CASK: variants seen among roughly 807,000 people sequenced by gnomAD.
CASK encodes calcium/calmodulin dependent serine protein kinase.
Under a neutral mutation model 82.9 loss-of-function variants are expected in CASK, and 4 were observed. That is an observed-to-expected ratio of 0.05 (90% confidence interval 0.02 to 0.11). CASK has a LOEUF of 0.11. CASK is among the 10% of genes least tolerant of loss of function. The pLI, the probability that CASK is intolerant of heterozygous loss-of-function variation, is 1.00. For synonymous variants in CASK, 259 were observed against 253.5 expected, an observed-to-expected ratio of 1.02 and a Z score of -0.20; for missense variants, 358 against 720.9, an observed-to-expected ratio of 0.50 and a Z score of 5.76.
At chrX:41,699,051 C>T (rs769019677) in intron 5 of CASK, among the ~76,000 whole-genome samples, 6 of 110,283 alleles carry the variant, frequency 5.4e-5, no homozygotes, top group South Asian at 3.9e-4. Context: ...TTCAGCCTCC[C>T]GGGTAGCTAG....
At chrX:41,650,049 T>C (rs2066836640) in intron 8 of CASK, among the ~76,000 whole-genome samples, 1 of 111,316 alleles carries the variant, frequency 9.0e-6, no homozygotes, top group African/African-American at 3.3e-5. Context: ...TTAAAGTCTG[T>C]TTTATCAGAG....
At chrX:41,737,209 C>T (rs1315051617) in intron 5 of CASK, among the ~76,000 whole-genome samples, 1 of 111,564 alleles carries the variant, frequency 9.0e-6, no homozygotes, top group Non-Finnish European at 1.9e-5. Flanking sequence ...TGAGAGACCG[C>T]AAAGAGCGCC....
chrX:41,910,954 A>C (rs949464409), intron 1 of CASK, among the ~76,000 whole-genome samples: 4 of 111,798 alleles, frequency 3.6e-5, no homozygotes, highest in Admixed American at 1.9e-4. Flanking sequence ...TGCTGTTAAA[A>C]ATGTTATGTA....
At chrX:41,564,357 T>C (rs925748948) in intron 16 of CASK, among the ~76,000 whole-genome samples, 1 of 112,053 alleles carries the variant, frequency 8.9e-6, no homozygotes, top group Non-Finnish European at 1.9e-5. Flanking sequence ...AAAGGTTCCT[T>C]TTTAAAAAAA....
chrX:41,854,222 GCGCA>G (rs1204425174), intron 1 of CASK, among the ~76,000 whole-genome samples: 3,627 of 83,428 alleles, frequency 0.043, 95 homozygotes, highest in East Asian at 0.17. Context: ...GCGCGGGCGC[GCGCA>G]CACACACACA....
chrX:41,855,766 C>T (rs2071355880), intron 1 of CASK, among the ~76,000 whole-genome samples: 1 of 112,067 alleles, frequency 8.9e-6, no homozygotes, highest in Non-Finnish European at 1.9e-5. Flanking sequence ...AAACAACTAT[C>T]TTTCTCATAT....
chrX:41,577,776 C>A (rs931072691), intron 15 of CASK, among the ~76,000 whole-genome samples: 4 of 111,478 alleles, frequency 3.6e-5, no homozygotes, highest in African/African-American at 1.3e-4. Context: ...AGAATGGAGG[C>A]AAGGTTCAGC....
intron 3 of CASK, among the ~76,000 whole-genome samples, chrX:41,775,890 T>TG (rs1487483863): frequency 2.6e-5 from 1 of 38,733 alleles, no homozygotes; most frequent in Non-Finnish European, 4.3e-5. Context: ...TGTTGTGGGG[T>TG]GGGGGGAGGG....
At chrX:41,891,643 C>T (rs1364757015) in intron 1 of CASK, among the ~76,000 whole-genome samples, 1 of 111,164 alleles carries the variant, frequency 9.0e-6, no homozygotes, top group Admixed American at 9.5e-5. Flanking sequence ...CCAATCATAT[C>T]GAACAAAGAG....
chrX:41,619,065 C>T (rs2066248080), intron 11 of CASK, among the ~76,000 whole-genome samples: 2 of 108,439 alleles, frequency 1.8e-5, no homozygotes, highest in Admixed American at 9.8e-5. Context: ...CTCCTGACCT[C>T]GTGATCCACC....
At chrX:41,904,639 G>A (rs1354784704) in intron 1 of CASK, among the ~76,000 whole-genome samples, 1 of 111,079 alleles carries the variant, frequency 9.0e-6, no homozygotes, top group African/African-American at 3.3e-5. Context: ...TTAGGTTCAG[G>A]GGATACATAT....
At chrX:41,718,937 GT>G (rs1233058946) in intron 5 of CASK, among the ~76,000 whole-genome samples, 1 of 112,354 alleles carries the variant, frequency 8.9e-6, no homozygotes, top group Non-Finnish European at 1.9e-5. Context: ...AGCAGATCTG[GT>G]TGCTATGGTT....
chrX:41,783,139 TAAAAAC>T (rs760164625), intron 3 of CASK, among the ~76,000 whole-genome samples: 424 of 109,026 alleles, frequency 3.9e-3, no homozygotes, highest in African/African-American at 0.013. Flanking sequence ...GTGAGACTGT[TAAAAAC>T]AAAAACAACA....
At chrX:41,641,302 C>G (rs186131030) in intron 8 of CASK, among the ~76,000 whole-genome samples, 86 of 111,790 alleles carry the variant, frequency 7.7e-4, no homozygotes, top group Non-Finnish European at 2.4e-4. Flanking sequence ...TAATGAAGTA[C>G]ATGATTCATA....
intron 1 of CASK, among the ~76,000 whole-genome samples, chrX:41,887,705 A>G (rs1239494707): frequency 1.8e-5 from 2 of 111,253 alleles, no homozygotes; most frequent in Non-Finnish European, 3.8e-5. Flanking sequence ...AGACCTATAC[A>G]AAGCAATGAT....
At position 41,600,464 on chromosome X, in the gene CASK, C is replaced by T. The variant is rs752322863; in HGVS notation, c.1155+9440G>A. On this transcript the variant is annotated intron_variant, in intron 12 of 26. Transcript: ENST00000378163. ...AGCATAGCATAAAGAAGAATCAGTG[C>T]TTATTGTACTTAGAAGGCTTTCTGC... 4.5e-5 allele frequency among the ~76,000 whole-genome samples: 5 copies of T among 112,184 alleles called. No homozygotes were observed. The East Asian group carries it at 1.4e-3, about 31-fold the overall frequency.
chrX:41,566,930 G>A (rs1306297458), intron 16 of CASK, among the ~76,000 whole-genome samples: 1 of 111,651 alleles, frequency 9.0e-6, no homozygotes, highest in Non-Finnish European at 1.9e-5. Flanking sequence ...CAGAAATAAT[G>A]CCACACATCT....
At chrX:41,834,679 TC>T (rs2070895855) in intron 2 of CASK, among the ~76,000 whole-genome samples, 1 of 111,525 alleles carries the variant, frequency 9.0e-6, no homozygotes, top group South Asian at 3.8e-4. Context: ...TAGACCCCAC[TC>T]CCTATTGCAA....
At chrX:41,866,660 A>G (rs888874199) in intron 1 of CASK, among the ~76,000 whole-genome samples, 5 of 111,906 alleles carry the variant, frequency 4.5e-5, no homozygotes, top group African/African-American at 1.6e-4. Context: ...TAGCATTAGG[A>G]GTCCATTCTT....
Sources: gnomAD v4.1 joint callset for allele counts (sites outside exome capture counted in the v4.1 genomes callset) on GRCh38, gnomAD v4.1.1 for gene constraint, MANE v1.5 for transcripts, NCBI Gene and HGNC (gene_info 2026-07-23, HGNC 2026-07-21) for gene names.